Variants in IL1RAPL1 observed in about 807,000 individuals in gnomAD.
IL1RAPL1 encodes the protein interleukin 1 receptor accessory protein like 1, also known as interleukin-1 receptor accessory protein-like 1.
A neutral mutation model predicts 48.4 loss-of-function variants in IL1RAPL1; 3 were observed. The observed-to-expected ratio is 0.06, with a 90% confidence interval of 0.03 to 0.16. The LOEUF is 0.16. IL1RAPL1 is among the 10% of genes least tolerant of loss of function. IL1RAPL1 has a pLI of 1.00. For missense variants in IL1RAPL1, 349 were observed against 530.6 expected, an observed-to-expected ratio of 0.66 and a Z score of 3.36; for synonymous variants, 185 against 187.7, an observed-to-expected ratio of 0.99 and a Z score of 0.12.
chrX:28,876,494 G>C (rs527383314), intron 2 of IL1RAPL1, among the ~76,000 whole-genome samples: 22 of 111,448 alleles, frequency 2.0e-4, no homozygotes, highest in Non-Finnish European at 3.2e-4. Context: ...TTAGCCATCA[G>C]AGCAAAGGTC....
chrX:29,017,408 G>A (rs1926265740), intron 2 of IL1RAPL1, among the ~76,000 whole-genome samples: 1 of 111,947 alleles, frequency 8.9e-6, no homozygotes, highest in African/African-American at 3.2e-5. Flanking sequence ...ACAGGACCCA[G>A]GTAAATCGGA....
At chrX:29,802,585 G>A (rs1188738130) in intron 6 of IL1RAPL1, among the ~76,000 whole-genome samples, 1 of 74,401 alleles carries the variant, frequency 1.3e-5, no homozygotes, top group Non-Finnish European at 2.8e-5. Flanking sequence ...TTTACTAAAT[G>A]TTCACTCTCA....
intron 5 of IL1RAPL1, among the ~76,000 whole-genome samples, chrX:29,542,354 T>C (rs1442534965): frequency 8.9e-6 from 1 of 111,804 alleles, no homozygotes; most frequent in African/African-American, 3.3e-5. Flanking sequence ...TAGCAGTCCA[T>C]GCAGCCCATA....
chrX:28,987,552 G>A (rs1306174494), intron 2 of IL1RAPL1, among the ~76,000 whole-genome samples: 1 of 111,140 alleles, frequency 9.0e-6, no homozygotes, highest in Non-Finnish European at 1.9e-5. Flanking sequence ...TTCTTTACTT[G>A]AACTATCTTG....
At position 28,849,487 on chromosome X, in the gene IL1RAPL1, A is replaced by G. The variant is rs1217523869; in HGVS notation, c.82+60062A>G. 1.2e-4 allele frequency among the ~76,000 whole-genome samples: 14 copies of G among 112,113 alleles called. No individual in the cohort carries two copies. In the Admixed American group the frequency reaches 1.3e-3, roughly 11 times the overall value. On this transcript the variant is annotated intron_variant, in intron 2 of 10. Coordinates refer to ENST00000378993, the MANE Select transcript of IL1RAPL1 (RefSeq NM_014271.4). ...GATACTTTAAAAGTGCCATGTACCC[A>G]CTTGAGCTTATTTTTTAATTCTGAT...
intron 2 of IL1RAPL1, among the ~76,000 whole-genome samples, chrX:28,867,836 A>T (rs7058621): frequency 0.13 from 14,795 of 111,049 alleles, 755 homozygotes; most frequent in Middle Eastern, 0.28. Flanking sequence ...CTTTACTTTC[A>T]GGGATTGCTT....
intron 5 of IL1RAPL1, among the ~76,000 whole-genome samples, chrX:29,519,038 G>A (rs1485849077): frequency 9.0e-6 from 1 of 111,413 alleles, no homozygotes; most frequent in Non-Finnish European, 1.9e-5. Flanking sequence ...TGTAGGCTGT[G>A]AAAGAAAGAA....
chrX:28,931,016 T>C (rs1024964117), intron 2 of IL1RAPL1, among the ~76,000 whole-genome samples: 1 of 111,025 alleles, frequency 9.0e-6, no homozygotes, highest in Non-Finnish European at 1.9e-5. Context: ...ATAAGCATCA[T>C]TGGATGTTTT....
At chrX:29,106,574 T>A (rs1242663711) in intron 2 of IL1RAPL1, among the ~76,000 whole-genome samples, 2 of 111,707 alleles carry the variant, frequency 1.8e-5, no homozygotes, top group African/African-American at 6.5e-5. Flanking sequence ...TCAATGAAGA[T>A]TCATGAAAAA....
intron 6 of IL1RAPL1, among the ~76,000 whole-genome samples, chrX:29,755,114 A>G (rs1399566290): frequency 4.4e-5 from 5 of 112,594 alleles, no homozygotes; most frequent in Admixed American, 2.8e-4. Flanking sequence ...GGGCTTCTCT[A>G]TAGGCAGCTG....
chrX:29,265,162 C>T (rs941702463), intron 2 of IL1RAPL1, among the ~76,000 whole-genome samples: 2 of 111,205 alleles, frequency 1.8e-5, no homozygotes, highest in African/African-American at 6.5e-5. Context: ...ATCCGCCCAC[C>T]TCGGCCTCCC....
intron 6 of IL1RAPL1, among the ~76,000 whole-genome samples, chrX:29,828,751 A>T (rs930205515): frequency 8.0e-5 from 9 of 111,885 alleles, no homozygotes; most frequent in African/African-American, 2.6e-4. Flanking sequence ...TATGCCCATC[A>T]TAAAATTCTA....
intron 2 of IL1RAPL1, among the ~76,000 whole-genome samples, chrX:29,158,704 C>T (rs1270918613): frequency 1.8e-5 from 2 of 110,720 alleles, no homozygotes; most frequent in Non-Finnish European, 3.8e-5. Flanking sequence ...AGCAATACTG[C>T]CATCTGTGGT....
At position 29,270,949 on chromosome X, in the gene IL1RAPL1, A is replaced by G. The variant is rs183916691; in HGVS notation, c.83-11989A>G. ...GTCATGGGAGTTTGCTATACAGGTT[A>G]TTTCATCACCAAAGTAATAAGCATA... is the stretch of plus-strand genomic sequence containing the variant. On this transcript the variant is annotated intron_variant, in intron 2 of 10. Coordinates refer to ENST00000378993, the MANE Select transcript of IL1RAPL1 (RefSeq NM_014271.4). Among the ~76,000 whole-genome samples, 157 of 111,522 alleles carry G rather than the reference A, an allele frequency of 1.4e-3. 1 individual carries two copies. Among genetic ancestry groups the G allele is most frequent in the African/African-American group, 4.8e-3 (148 of 30,729 alleles).
At chrX:29,929,607 A>T (rs181499766) in intron 8 of IL1RAPL1, among the ~76,000 whole-genome samples, 1 of 111,603 alleles carries the variant, frequency 9.0e-6, no homozygotes, top group Non-Finnish European at 1.9e-5. Context: ...AGTTTCTGTA[A>T]CTGCAAAGTA....
chrX:29,297,311 C>T (rs1189068196), intron 3 of IL1RAPL1, among the ~76,000 whole-genome samples: 4 of 111,581 alleles, frequency 3.6e-5, no homozygotes, highest in Non-Finnish European at 7.5e-5. Context: ...ATAAGGTAGG[C>T]ATTCCTGGAC....
chrX:29,098,865 G>T (rs943090725), intron 2 of IL1RAPL1, among the ~76,000 whole-genome samples: 1 of 112,516 alleles, frequency 8.9e-6, no homozygotes, highest in Non-Finnish European at 1.9e-5. Flanking sequence ...AAACTTTAAT[G>T]TATGGCCGGG....
At chrX:29,443,165 G>A (rs1934568102) in intron 5 of IL1RAPL1, among the ~76,000 whole-genome samples, 1 of 109,787 alleles carries the variant, frequency 9.1e-6, no homozygotes, top group South Asian at 4.0e-4. Context: ...AATGTGTAAT[G>A]TGTCTCATTC....
chrX:29,032,076 G>A (rs1042071230), intron 2 of IL1RAPL1, among the ~76,000 whole-genome samples: 1 of 111,403 alleles, frequency 9.0e-6, no homozygotes, highest in African/African-American at 3.3e-5. Context: ...CAGATTGTAG[G>A]CAGTTAGGAA....
Sources: gnomAD v4.1 joint callset for allele counts (sites outside exome capture counted in the v4.1 genomes callset) on GRCh38, gnomAD v4.1.1 for gene constraint, MANE v1.5 for transcripts, NCBI Gene and HGNC (gene_info 2026-07-23, HGNC 2026-07-21) for gene names.